Variants in FGF12 observed in about 807,000 individuals in gnomAD.
FGF12 encodes fibroblast growth factor 12B.
FGF12 carries 14 observed loss-of-function variants against 23.6 expected under a neutral mutation model. The observed-to-expected ratio is 0.59, with a 90% CI of 0.39 to 0.93. The LOEUF is 0.93. Among genes scored for constraint, FGF12 ranks in the 40% least tolerant of loss-of-function variants. The pLI is 0.00. For synonymous variants in FGF12, 62 were observed against 77.3 expected, an observed-to-expected ratio of 0.80 and a Z score of 1.04; for missense variants, 175 against 217.8, an observed-to-expected ratio of 0.80 and a Z score of 1.24.
At chr3:192,417,256 G>A (rs1235787733) in intron 2 of FGF12, among the ~76,000 whole-genome samples, 1 of 151,772 alleles carries the variant, frequency 6.6e-6, no homozygotes, top group African/African-American at 2.4e-5. Context: ...AGCCGTAACT[G>A]GCCTTTAAAA....
chr3:192,720,991 T>C (rs1014704441), intron 2 of FGF12, among the ~76,000 whole-genome samples: 7 of 152,176 alleles, frequency 4.6e-5, no homozygotes, highest in Non-Finnish European at 1.0e-4. Flanking sequence ...TATATCTCCA[T>C]CCCCAAACCC....
intron 4 of FGF12, among the ~76,000 whole-genome samples, chr3:192,330,366 T>C (rs78258047): frequency 6.6e-6 from 1 of 152,150 alleles, no homozygotes; most frequent in Non-Finnish European, 1.5e-5. Context: ...AGTATGGTAC[T>C]GGCACAAAGA....
At chr3:192,398,379 CTTTTTTCTTTTTTTT>C (rs1273073328) in intron 2 of FGF12, among the ~76,000 whole-genome samples, 1 of 60,406 alleles carries the variant, frequency 1.7e-5, no homozygotes, top group Non-Finnish European at 3.6e-5. Context: ...CTTATATTTT[CTTTTTTCTTTTTTTT>C]TTTTTTTCTG....
At chr3:192,591,266 C>T (rs1053311005) in intron 2 of FGF12, among the ~76,000 whole-genome samples, 4 of 151,026 alleles carry the variant, frequency 2.6e-5, no homozygotes, top group African/African-American at 9.7e-5. Context: ...TTCTAATTAG[C>T]CCTTTTGATG....
At chr3:192,373,100 T>A (rs1719309677) in intron 2 of FGF12, among the ~76,000 whole-genome samples, 1 of 151,058 alleles carries the variant, frequency 6.6e-6, no homozygotes, top group South Asian at 2.1e-4. Context: ...AGCACACTGT[T>A]TTTTTTTTCA....
At chr3:192,410,162 C>G (rs1401370683) in intron 2 of FGF12, among the ~76,000 whole-genome samples, 1 of 152,038 alleles carries the variant, frequency 6.6e-6, no homozygotes, top group Non-Finnish European at 1.5e-5. Context: ...CAGGTGGGGC[C>G]GAGCTGGGGG....
At chr3:192,660,152 C>T (rs1400982257) in intron 2 of FGF12, among the ~76,000 whole-genome samples, 2 of 151,300 alleles carry the variant, frequency 1.3e-5, no homozygotes, top group Admixed American at 6.6e-5. Context: ...AAATGTGGCA[C>T]ATATACACCA....
intron 4 of FGF12, among the ~76,000 whole-genome samples, chr3:192,330,951 A>G: frequency 6.6e-6 from 1 of 152,138 alleles, no homozygotes; most frequent in African/African-American, 2.4e-5. Context: ...TTTGCAAATC[A>G]TATATCTGAT....
chr3:192,146,835 A>G (rs1409399099), intron 5 of FGF12, among the ~76,000 whole-genome samples: 2 of 152,194 alleles, frequency 1.3e-5, no homozygotes, highest in Non-Finnish European at 2.9e-5. Context: ...GCAAATTGAC[A>G]TCTGAAAATA....
intron 2 of FGF12, among the ~76,000 whole-genome samples, chr3:192,680,796 C>T (rs1717500297): frequency 6.6e-6 from 1 of 152,174 alleles, no homozygotes; most frequent in Non-Finnish European, 1.5e-5. Context: ...ATTCAGTCCA[C>T]AAGAACTTAA....
chr3:192,606,941 G>A (rs1463004921), intron 2 of FGF12, among the ~76,000 whole-genome samples: 2 of 152,088 alleles, frequency 1.3e-5, no homozygotes, highest in African/African-American at 4.8e-5. Context: ...TAAGCCAGGT[G>A]AATACAAATG....
chr3:192,340,607 T>C (rs1222268486), intron 3 of FGF12, among the ~76,000 whole-genome samples: 1 of 152,172 alleles, frequency 6.6e-6, no homozygotes, highest in Non-Finnish European at 1.5e-5. Flanking sequence ...GACTCTTGTA[T>C]TTTGAAAAAT....
intron 2 of FGF12, among the ~76,000 whole-genome samples, chr3:192,716,818 A>C (rs1313232705): frequency 2.6e-5 from 4 of 152,220 alleles, no homozygotes; most frequent in African/African-American, 7.2e-5. Context: ...ATCTTACCCA[A>C]GTTACAGAGA....
At chr3:192,435,785 G>A (rs1463774363) in intron 2 of FGF12, among the ~76,000 whole-genome samples, 3 of 152,126 alleles carry the variant, frequency 2.0e-5, no homozygotes, top group Non-Finnish European at 2.9e-5. Context: ...GGGCTCTGAG[G>A]ATACAATCTG....
At chr3:192,723,975 G>C (rs1316591850) in intron 2 of FGF12, among the ~76,000 whole-genome samples, 1 of 119,180 alleles carries the variant, frequency 8.4e-6, no homozygotes, top group African/African-American at 3.2e-5. Context: ...GGAGGGGAGG[G>C]GAGGAGAGGA....
intron 2 of FGF12, among the ~76,000 whole-genome samples, chr3:192,412,994 T>G (rs1159580253): frequency 6.6e-6 from 1 of 152,212 alleles, no homozygotes; most frequent in Admixed American, 6.5e-5. Context: ...AAGTTTTAAT[T>G]ACTTTGAAGA....
At chr3:192,708,280 G>A (rs1359172008) in intron 2 of FGF12, among the ~76,000 whole-genome samples, 2 of 152,020 alleles carry the variant, frequency 1.3e-5, no homozygotes, top group African/African-American at 4.8e-5. Flanking sequence ...TTATTTAGAG[G>A]GCTCTAACAG....
intron 4 of FGF12, among the ~76,000 whole-genome samples, chr3:192,190,577 G>A (rs573871000): frequency 2.8e-5 from 4 of 143,160 alleles, no homozygotes; most frequent in South Asian, 2.3e-4. Context: ...CCGGGTTCAC[G>A]CCATTCTCCT....
At chr3:192,372,391 T>TCA (rs58664869) in intron 2 of FGF12, among the ~76,000 whole-genome samples, 7,213 of 148,870 alleles carry the variant, frequency 0.048, 171 homozygotes, top group African/African-American at 0.068. Context: ...TTTCATACCA[T>TCA]CACACACACA....
Sources: gnomAD v4.1 joint callset for allele counts (sites outside exome capture counted in the v4.1 genomes callset) on GRCh38, gnomAD v4.1.1 for gene constraint, MANE v1.5 for transcripts, NCBI Gene and HGNC (gene_info 2026-07-23, HGNC 2026-07-21) for gene names.